The following PTPRR variants were observed in gnomAD, a reference collection of about 807,000 sequenced individuals.
PTPRR encodes receptor-type tyrosine-protein phosphatase R.
PTPRR carries 38 observed loss-of-function variants against 77.2 expected under a neutral mutation model. The observed-to-expected ratio is 0.49, with a 90% CI of 0.38 to 0.65. The LOEUF (loss-of-function observed/expected upper bound fraction) is 0.65, where lower values mean the gene tolerates loss of function less well. Ranked by LOEUF, PTPRR falls within the 30% of genes least tolerant of loss-of-function variation. PTPRR has a pLI of 0.00. For synonymous variants in PTPRR, 299 were observed against 283.1 expected (o/e 1.06, Z -0.57); for missense variants, 744 against 799.2 (o/e 0.93, Z 0.83).
At chr12:70,857,849 G>A (rs1239329798) in intron 2 of PTPRR, among the ~76,000 whole-genome samples, 2 of 152,086 alleles carry the variant, frequency 1.3e-5, no homozygotes, top group Non-Finnish European at 2.9e-5. Flanking sequence ...TATACTGCAA[G>A]GCAAAAGTCA....
chr12:70,868,530 G>C (rs1565724192), intron 2 of PTPRR, among the ~76,000 whole-genome samples: 1 of 152,042 alleles, frequency 6.6e-6, no homozygotes, highest in African/African-American at 2.4e-5. Flanking sequence ...TAAAAAGTCA[G>C]GAAACAACAG....
chr12:70,808,588 C>T (rs531717078), intron 2 of PTPRR, among the ~76,000 whole-genome samples: 26 of 152,184 alleles, frequency 1.7e-4, no homozygotes, highest in African/African-American at 5.8e-4. Context: ...AAAGGACTCA[C>T]GTTGAATTAT....
chr12:70,775,865 A>G (rs1168456873), intron 2 of PTPRR, among the ~76,000 whole-genome samples: 1 of 152,168 alleles, frequency 6.6e-6, no homozygotes, highest in Non-Finnish European at 1.5e-5. Context: ...CAGGAATAAA[A>G]GCAAAAGGTT....
intron 2 of PTPRR, among the ~76,000 whole-genome samples, chr12:70,779,236 C>A (rs1891152771): frequency 1.3e-5 from 2 of 151,264 alleles, no homozygotes; most frequent in African/African-American, 4.9e-5. Flanking sequence ...AACTTTCTAT[C>A]CTGTTTAGAG....
intron 13 of PTPRR, among the ~76,000 whole-genome samples, chr12:70,650,888 G>T (rs867827294): frequency 3.9e-5 from 6 of 152,152 alleles, no homozygotes; most frequent in South Asian, 4.1e-4. Flanking sequence ...TAGCTTCAAG[G>T]GATCGTGACC....
chr12:70,911,661 C>T (rs1200067791), intron 1 of PTPRR, among the ~76,000 whole-genome samples: 2 of 148,738 alleles, frequency 1.3e-5, no homozygotes, highest in South Asian at 2.2e-4. Context: ...TAGATATTTT[C>T]GAGCTTCATA....
At position 70,898,043 on chromosome 12, in the gene PTPRR, C is replaced by T; in HGVS notation, c.59-5066G>A. Among the ~76,000 whole-genome samples the T allele has an allele frequency of 1.3e-5, 2 of 151,440 alleles. 1 individual carries two copies. Among genetic ancestry groups the T allele is most frequent in the Middle Eastern group, 6.8e-3 (2 of 294 alleles). On this transcript the variant is annotated intron_variant, in intron 1 of 13. Transcript: ENST00000283228. ...GGAAGGGATAACATTAGGAGATATACCTAATGCTAAATGACTAGTTAATGG... is the reference window on the plus strand; with the variant it reads ...GGAAGGGATAACATTAGGAGATATATCTAATGCTAAATGACTAGTTAATGG...
Position 70,645,002 on chromosome 12 carries a change from C to T in PTPRR, c.1881-5725G>A, listed in dbSNP as rs550407745. Among the ~76,000 whole-genome samples, 13 of 152,224 alleles carry T rather than the reference C, an allele frequency of 8.5e-5. No homozygotes were observed. The South Asian group carries it at 2.3e-3, about 27-fold the overall frequency. ...CTTGTAAAATGGCATAAATGACAAA[C>T]GTCATCGGGTTGTGAGGATTAAATG... is the stretch of plus-strand genomic sequence containing the variant. On this transcript the variant is annotated intron_variant, in intron 13 of 13. Coordinates refer to ENST00000283228, the MANE Select transcript of PTPRR (RefSeq NM_002849.4).
chr12:70,719,721 C>T (rs1418896145), intron 6 of PTPRR, among the ~76,000 whole-genome samples: 2 of 152,158 alleles, frequency 1.3e-5, no homozygotes, highest in Non-Finnish European at 2.9e-5. Context: ...CTGCTAAGAG[C>T]ATCTGCAGTC....
intron 6 of PTPRR, among the ~76,000 whole-genome samples, chr12:70,709,883 A>G (rs1446766531): frequency 2.6e-5 from 4 of 152,186 alleles, no homozygotes; most frequent in Non-Finnish European, 5.9e-5. Context: ...ATGTATAGGA[A>G]GAATTAATAT....
intron 2 of PTPRR, among the ~76,000 whole-genome samples, chr12:70,835,279 GCTTA>G (rs1228381738): frequency 1.3e-5 from 2 of 152,046 alleles, no homozygotes; most frequent in African/African-American, 4.8e-5. Context: ...TCAGGCAATT[GCTTA>G]CTTATAATTA....
chr12:70,770,134 G>A (rs1315069849), intron 2 of PTPRR, among the ~76,000 whole-genome samples: 3 of 147,646 alleles, frequency 2.0e-5, no homozygotes, highest in East Asian at 3.9e-4. Flanking sequence ...AAAAGCAATG[G>A]CAACAAAAGA....
intron 2 of PTPRR, among the ~76,000 whole-genome samples, chr12:70,785,641 A>G (rs1891305056): frequency 6.6e-6 from 1 of 152,172 alleles, no homozygotes; most frequent in African/African-American, 2.4e-5. Context: ...ACTTTTTATG[A>G]TAGTATCATT....
chr12:70,883,480 G>A (rs963121044), intron 2 of PTPRR, among the ~76,000 whole-genome samples: 2 of 152,078 alleles, frequency 1.3e-5, no homozygotes, highest in Middle Eastern at 3.2e-3. Flanking sequence ...CTTAAGCTAG[G>A]ACCTTGGCTT....
chr12:70,747,451 C>A (rs1052008917), intron 5 of PTPRR, among the ~76,000 whole-genome samples: 1 of 152,112 alleles, frequency 6.6e-6, no homozygotes, highest in Non-Finnish European at 1.5e-5. Flanking sequence ...ATATAATATG[C>A]ATATGAGAAC....
At chr12:70,654,258 A>G (rs542501866) in intron 13 of PTPRR, among the ~76,000 whole-genome samples, 5 of 152,114 alleles carry the variant, frequency 3.3e-5, no homozygotes, top group Non-Finnish European at 5.9e-5. Context: ...TGCTCAAAGC[A>G]TATTTGTTGA....
At chr12:70,842,453 T>C (rs1892412990) in intron 2 of PTPRR, among the ~76,000 whole-genome samples, 1 of 152,226 alleles carries the variant, frequency 6.6e-6, no homozygotes, top group Admixed American at 6.5e-5. Flanking sequence ...AGGAAATTTA[T>C]TCTCACACAG....
At chr12:70,803,529 G>A (rs1891654073) in intron 2 of PTPRR, among the ~76,000 whole-genome samples, 4 of 152,174 alleles carry the variant, frequency 2.6e-5, no homozygotes, top group Admixed American at 2.6e-4. Flanking sequence ...AAAAAGATCA[G>A]TTGGAAGATC....
chr12:70,878,460 C>G (rs10748160), intron 2 of PTPRR, among the ~76,000 whole-genome samples: 76,621 of 151,972 alleles, frequency 0.5, 20,034 homozygotes, highest in East Asian at 0.61. Context: ...AGACACTTCT[C>G]AAAAGAAGAC....
Sources: allele counts gnomAD v4.1 joint callset (sites outside exome capture counted in the v4.1 genomes callset), GRCh38; gene constraint gnomAD v4.1.1; transcripts MANE v1.5; gene names NCBI Gene and HGNC (gene_info 2026-07-23, HGNC 2026-07-21).